Variants in CNOT4 observed in about 807,000 individuals in gnomAD.
CNOT4 encodes the protein CCR4-associated factor 4.
A neutral mutation model predicts 73.8 loss-of-function variants in CNOT4; 8 were observed. That is an observed-to-expected ratio of 0.11 (90% CI 0.06 to 0.20). The LOEUF is 0.20. CNOT4 is among the 10% of genes least tolerant of loss of function. The pLI is 1.00. For synonymous variants in CNOT4, 293 were observed against 321.1 expected, an observed-to-expected ratio of 0.91 and a Z score of 0.94; for missense variants, 564 against 883.4, an observed-to-expected ratio of 0.64 and a Z score of 4.58.
At chr7:135,388,654 G>C in intron 10 of CNOT4, 1 of 1,315,650 alleles carries the variant, frequency 7.6e-7, no homozygotes, top group South Asian at 2.4e-5. Context: ...GAGGTAACAC[G>C]CTAGCTGTAG....
At chr7:135,408,240 T>C (rs544931410) in intron 7 of CNOT4, among the ~76,000 whole-genome samples, 3 of 152,224 alleles carry the variant, frequency 2.0e-5, no homozygotes, top group African/African-American at 7.2e-5. Flanking sequence ...AAAGTCAACA[T>C]AACATACAAT....
At chr7:135,446,884 C>A (rs1004576107) in intron 1 of CNOT4, among the ~76,000 whole-genome samples, 1 of 151,506 alleles carries the variant, frequency 6.6e-6, no homozygotes, top group African/African-American at 2.4e-5. Flanking sequence ...ACCATACATG[C>A]AATATATACA....
In CNOT4 at chr7:135,398,208, T is replaced by G. The variant is rs1192539374; in HGVS notation, c.840A>C (p.Ser280=). The change falls in exon 8 of 12, where the codon TCA becomes TCC. Residue 280 remains serine (S), a synonymous_variant. Coordinates refer to ENST00000541284, the MANE Select transcript of CNOT4 (RefSeq NM_001190850.2). The part of the protein sequence containing the change: ...QRYDTPIDKP[S]DSLSIGNGDN... ...CACCGTTCCCTATACTGAGAGAATC[T>G]GAAGGTTTGTCAATGGGGCTATAAA... is the stretch of plus-strand genomic sequence containing the variant. 1 of 1,540,724 alleles carries G rather than the reference T, an allele frequency of 6.5e-7. No individual in the cohort carries two copies. Among genetic ancestry groups the G allele is most frequent in the South Asian group, 1.1e-5 (1 of 89,126 alleles).
At position 135,413,623 on chromosome 7, in the gene CNOT4, G is replaced by A. The variant is rs1409826961; in HGVS notation, c.562-10C>T. The A allele has an allele frequency of 1.2e-6, 2 of 1,607,188 alleles. No homozygotes were observed. The highest frequency in any genetic ancestry group is 4.5e-5 in the East Asian group (2 of 44,704). The stretch of plus-strand genomic sequence containing the variant: ...TTGTACCTAGAGATGCCTGCAGGAG[G>A]AAGAGGGGTAAAGGAAAAGAAGACT... On this transcript the variant is annotated splice_polypyrimidine_tract_variant and intron_variant, in intron 5 of 11. Coordinates refer to ENST00000541284, the MANE Select transcript of CNOT4 (RefSeq NM_001190850.2).
At chr7:135,444,133 CCT>C (rs1799662235) in intron 1 of CNOT4, among the ~76,000 whole-genome samples, 1 of 147,190 alleles carries the variant, frequency 6.8e-6, no homozygotes, top group South Asian at 2.2e-4. Flanking sequence ...ACAGTGAAAC[CCT>C]GTTTCAAAAA....
rs372543883 is a variant in CNOT4 at position 135,439,071 on chromosome 7, A to G, written c.-92-648T>C. 3.5e-3 allele frequency among the ~76,000 whole-genome samples: 539 copies of G among 152,352 alleles called. 4 individuals are homozygous for G. The highest frequency in any genetic ancestry group is 0.021 in the South Asian group (102 of 4,832). ...TAAACAGGAAGAAAGAAGGGAAGAA[A>G]TAGACCTTCATATCACAAACACTTT... On this transcript the variant is annotated intron_variant, in intron 1 of 11. Coordinates refer to ENST00000541284, the MANE Select transcript of CNOT4 (RefSeq NM_001190850.2).
At chr7:135,410,774 ATTAAATAAATT>A (rs915225949) in intron 6 of CNOT4, 126 bp from the exon 7 acceptor site, 7 of 587,894 alleles carry the variant, frequency 1.2e-5, no homozygotes, top group African/African-American at 2.0e-5. Context: ...AAAATAAAAT[ATTAAATAAATT>A]TTAAATAAAT....
Position 135,362,574 on chromosome 7 carries a change from C to T in CNOT4, c.*311G>A, listed in dbSNP as rs760062770. 4 of 477,468 alleles carry T rather than the reference C, an allele frequency of 8.4e-6. No homozygotes were observed. The highest frequency in any genetic ancestry group is 6.6e-5 in the Admixed American group (2 of 30,158). 29.6% of individuals were successfully genotyped at this position (477,468 alleles called of 1,614,324 possible). A position where few individuals can be genotyped will look rare whatever the true frequency, so the allele number is the denominator to read the frequency against. ...AAGCAGATTATGTCATTATTATGCG[C>T]AACAGACAAACAATAATTTTCTAAG... is the stretch of plus-strand genomic sequence containing the variant. On this transcript the variant is annotated 3_prime_UTR_variant, in exon 12 of 12. Coordinates refer to ENST00000541284, the MANE Select transcript of CNOT4 (RefSeq NM_001190850.2).
At chr7:135,493,955 T>C (rs1803280904) in intron 1 of CNOT4, among the ~76,000 whole-genome samples, 1 of 151,618 alleles carries the variant, frequency 6.6e-6, no homozygotes, top group African/African-American at 2.4e-5. Flanking sequence ...CATTAGCTAA[T>C]CAAATGTAAA....
chr7:135,498,317 T>G (rs1803727861), intron 1 of CNOT4, among the ~76,000 whole-genome samples: 1 of 152,194 alleles, frequency 6.6e-6, no homozygotes, highest in Non-Finnish European at 1.5e-5. Flanking sequence ...AAGTTTAAAT[T>G]ATAGAATTTA....
At chr7:135,442,530 C>T (rs530989672) in intron 1 of CNOT4, among the ~76,000 whole-genome samples, 4 of 152,166 alleles carry the variant, frequency 2.6e-5, no homozygotes, top group Admixed American at 1.3e-4. Flanking sequence ...ACACAGGAGG[C>T]GGAGGTTGCA....
intron 1 of CNOT4, among the ~76,000 whole-genome samples, chr7:135,480,070 C>A (rs1802270086): frequency 6.6e-6 from 1 of 152,122 alleles, no homozygotes; most frequent in Non-Finnish European, 1.5e-5. Context: ...GCAAAAAATG[C>A]TGCTTATTTT....
At chr7:135,454,750 G>A (rs1419389159) in intron 1 of CNOT4, among the ~76,000 whole-genome samples, 1 of 152,090 alleles carries the variant, frequency 6.6e-6, no homozygotes, top group Non-Finnish European at 1.5e-5. Flanking sequence ...TAATGAGCTG[G>A]GTATGGTGGC....
At chr7:135,461,823 T>C (rs1487176980) in intron 1 of CNOT4, among the ~76,000 whole-genome samples, 1 of 151,570 alleles carries the variant, frequency 6.6e-6, no homozygotes, top group African/African-American at 2.4e-5. Context: ...CAGAGCGAGA[T>C]CCCGTCCCAA....
chr7:135,499,340 A>C (rs1803809906), intron 1 of CNOT4, among the ~76,000 whole-genome samples: 1 of 152,164 alleles, frequency 6.6e-6, no homozygotes, highest in Non-Finnish European at 1.5e-5. Flanking sequence ...CAATGCCATC[A>C]ATGCCATAGG....
intron 10 of CNOT4, among the ~76,000 whole-genome samples, chr7:135,382,419 C>A (rs1050793475): frequency 6.6e-6 from 1 of 152,284 alleles, no homozygotes; most frequent in East Asian, 1.9e-4. Context: ...CAAGGTTTCA[C>A]AAACATAGTA....
At chr7:135,425,604 C>T (rs1289014976) in intron 2 of CNOT4, among the ~76,000 whole-genome samples, 1 of 152,136 alleles carries the variant, frequency 6.6e-6, no homozygotes, top group Non-Finnish European at 1.5e-5. Context: ...CACAGAAGAA[C>T]ATGAGACAGA....
intron 1 of CNOT4, among the ~76,000 whole-genome samples, chr7:135,450,093 C>T (rs1327429203): frequency 6.6e-6 from 1 of 152,088 alleles, no homozygotes; most frequent in Non-Finnish European, 1.5e-5. Context: ...CACGTGTAAT[C>T]CCAGCTACTT....
intron 2 of CNOT4, among the ~76,000 whole-genome samples, chr7:135,428,517 GA>G (rs1222399224): frequency 1.3e-5 from 2 of 151,474 alleles, no homozygotes; most frequent in South Asian, 2.1e-4. Flanking sequence ...AACAGCAAGA[GA>G]AAAAAAAGAG....
Sources: gnomAD v4.1 joint callset for allele counts (sites outside exome capture counted in the v4.1 genomes callset) on GRCh38, gnomAD v4.1.1 for gene constraint, MANE v1.5 for transcripts, NCBI Gene and HGNC (gene_info 2026-07-23, HGNC 2026-07-21) for gene names.